RGS11: variants seen among roughly 807,000 people sequenced by gnomAD.
The protein encoded by RGS11 is regulator of G protein signaling 11, also known as regulator of G-protein signaling 11.
RGS11 carries 86 observed loss-of-function variants against 71.1 expected under a neutral mutation model. The observed-to-expected ratio is 1.21, with a 90% CI of 1.02 to 1.45. The LOEUF is 1.45. Among genes scored for constraint, RGS11 ranks in the 40% most tolerant of loss-of-function variants. The pLI is 0.00. For missense variants in RGS11, 734 were observed against 635.1 expected (o/e 1.16, Z -1.67); for synonymous variants, 298 against 254.2 (o/e 1.17, Z -1.64).
chr16:274,770 C>A (rs952903956), intron 4 of RGS11: 1 of 743,876 alleles, frequency 1.3e-6, no homozygotes, highest in South Asian at 1.5e-5. Flanking sequence ...GAGGCTCCAT[C>A]CCTCAGCCGG....
chr16:271,456 T>G lies in RGS11; in HGVS notation c.692A>C (p.Glu231Ala). The G allele has an allele frequency of 6.2e-7, 1 of 1,613,684 alleles. No homozygotes were observed. Among genetic ancestry groups the G allele is most frequent in the Non-Finnish European group, 8.5e-7 (1 of 1,179,976 alleles). The change falls in exon 11 of 17, where the codon GAG becomes GCG. Residue 231 changes from glutamate to alanine, a missense_variant. Coordinates refer to ENST00000397770, the MANE Select transcript of RGS11 (RefSeq NM_183337.3). ...KSADFHKREI[E>A]YFRKALGRTR... ...CCTGCCCAGCGCTTTCCTGAAGTAC[T>G]CGATCTAGGATGTGGGGCCTGTGAG...
intron 9 of RGS11, chr16:272,289 G>C (rs947034402): frequency 7.1e-6 from 9 of 1,268,690 alleles, no homozygotes; most frequent in African/African-American, 1.5e-5. Context: ...CGCGCTGCGA[G>C]TCCTGGCCTG....
chr16:275,082 T>G lies in RGS11; in HGVS notation c.212A>C (p.Glu71Ala). The G allele has an allele frequency of 6.8e-7, 1 of 1,477,808 alleles. No individual in the cohort carries two copies. The highest frequency in any genetic ancestry group is 1.4e-5 in the South Asian group (1 of 72,156). 91.5% of individuals were successfully genotyped at this position (1,477,808 alleles called of 1,614,324 possible). A position where few individuals can be genotyped will look rare whatever the true frequency, so the allele number is the denominator to read the frequency against. Residue 71 changes from glutamate (E) to alanine (A), a missense_variant and splice_region_variant, in exon 4 of 17, where the codon GAG (glutamate) becomes GCG (alanine). Coordinates refer to ENST00000397770, the MANE Select transcript of RGS11 (RefSeq NM_183337.3). ...CAGGACGGCGCCCAGGTGCAGGGCC[T>G]CTGGGGAGGGGTGGGACGGTGAGCG... ...LAQKFCVSEEEALHLGAVLVQ... is the reference protein window; with the variant it reads ...LAQKFCVSEEAALHLGAVLVQ...
At position 274,044 on chromosome 16, in the gene RGS11, T is replaced by C; in HGVS notation, c.428A>G (p.Lys143Arg). 2 of 1,550,382 alleles carry C rather than the reference T, an allele frequency of 1.3e-6. No individual in the cohort carries two copies. The highest frequency in any genetic ancestry group is 1.2e-5 in the South Asian group (1 of 84,252). ...GGCGGGAAGGGTGGGGGGTCCCACC[T>C]TCTCATAATCCACCAGGGTCCCCCG... ...RKRGTLVDYEKDCYDRLHKKI... is the reference protein window; with the variant it reads ...RKRGTLVDYERDCYDRLHKKI... The change falls in exon 6 of 17, where the codon AAG becomes AGG. Residue 143 changes from lysine to arginine, a missense_variant and splice_region_variant. Coordinates refer to ENST00000397770, the MANE Select transcript of RGS11 (RefSeq NM_183337.3).
Position 268,704 on chromosome 16 carries a change from A to G in RGS11, c.*565T>C, listed in dbSNP as rs2051782714. The G allele has an allele frequency of 6.8e-7, 1 of 1,473,948 alleles. No homozygotes were observed. Among genetic ancestry groups the G allele is most frequent in the African/African-American group, 1.4e-5 (1 of 71,466 alleles). 91.3% of individuals were successfully genotyped at this position (1,473,948 alleles called of 1,614,324 possible). ...TCTGGAACGCGTTTGGCGAGGGAGG[A>G]ATAGGCGCAGCTCCGGAAGGCAGTG... On this transcript the variant is annotated 3_prime_UTR_variant, in exon 17 of 17. Coordinates refer to ENST00000397770, the MANE Select transcript of RGS11 (RefSeq NM_183337.3).
chr16:271,453 T>C lies in RGS11; in HGVS notation c.695A>G (p.Tyr232Cys). ...SADFHKREIE[Y>C]FRKALGRTRV... ...GGTCCTGCCCAGCGCTTTCCTGAAG[T>C]ACTCGATCTAGGATGTGGGGCCTGT... Residue 232 changes from tyrosine (Y) to cysteine (C), a missense_variant, in exon 11 of 17, where the codon TAC becomes TGC. Coordinates refer to ENST00000397770, the MANE Select transcript of RGS11 (RefSeq NM_183337.3). The C allele has an allele frequency of 6.2e-7, 1 of 1,613,896 alleles. No homozygotes were observed.
intron 4 of RGS11, 66 bp from the exon 5 acceptor site, chr16:274,331 C>T (rs1596913612): frequency 2.0e-6 from 3 of 1,522,494 alleles, no homozygotes; most frequent in Non-Finnish European, 2.7e-6. Flanking sequence ...GTCACCCCAC[C>T]CTCAGACCTC....
intron 9 of RGS11, chr16:272,110 A>G: frequency 9.0e-7 from 1 of 1,114,436 alleles, no homozygotes; most frequent in Non-Finnish European, 1.1e-6. Context: ...TGCTGGGATT[A>G]GAGACGTGAG....
In RGS11 at chr16:275,078, G is replaced by A. The variant is rs1261619324; in HGVS notation, c.216C>T (p.Ala72=). The A allele has an allele frequency of 6.1e-6, 9 of 1,477,598 alleles. No individual in the cohort carries two copies. The highest frequency in any genetic ancestry group is 8.1e-6 in the Non-Finnish European group (9 of 1,114,122). 91.5% of individuals were successfully genotyped at this position (1,477,598 alleles called of 1,614,324 possible). A position where few individuals can be genotyped will look rare whatever the true frequency, so the allele number is the denominator to read the frequency against. The change falls in exon 4 of 17, where the codon GCC becomes GCT. Residue 72 remains alanine (A), a synonymous_variant. Coordinates refer to ENST00000397770, the MANE Select transcript of RGS11 (RefSeq NM_183337.3). ...AQKFCVSEEE[A]LHLGAVLVQH... ...GCACCAGGACGGCGCCCAGGTGCAG[G>A]GCCTCTGGGGAGGGGTGGGACGGTG...
At chr16:275,113 C>T in intron 3 of RGS11, 31 bp from the exon 4 acceptor site, 5 of 1,481,922 alleles carry the variant, frequency 3.4e-6, no homozygotes, top group Non-Finnish European at 4.5e-6. Context: ...GAGCGCGGGG[C>T]CGCGGAAGCG....
At chr16:275,778 T>G in intron 1 of RGS11, 71 bp downstream of exon 1, 1 of 443,932 alleles carries the variant, frequency 2.3e-6, no homozygotes, top group Non-Finnish European at 3.3e-6. Flanking sequence ...CGTGTCCCCA[T>G]GCTCTCCGGC....
Position 275,326 on chromosome 16 carries a change from G to T in RGS11, c.168C>A (p.Asp56Glu), listed in dbSNP as rs1222071721. 1 of 1,612,396 alleles carries T rather than the reference G, an allele frequency of 6.2e-7. No homozygotes were observed. Among genetic ancestry groups the T allele is most frequent in the East Asian group, 2.2e-5 (1 of 44,852 alleles). Residue 56 changes from aspartate (D) to glutamate (E), a missense_variant, in exon 3 of 17, where the codon GAC becomes GAA. By Grantham distance (45) the Asp-to-Glu change is conservative. Coordinates refer to ENST00000397770, the MANE Select transcript of RGS11 (RefSeq NM_183337.3). ...ACTTCTGGGCCAACCACTGCACGAC[G>T]TCGCTGCCTGCACGGGAGAGACAGA... ...TVIPHAVTGS[D>E]VVQWLAQKFC...
intron 8 of RGS11, 137 bp from the exon 9 acceptor site, chr16:273,068 A>C: frequency 2.5e-6 from 2 of 814,160 alleles, no homozygotes; most frequent in Non-Finnish European, 1.9e-6. Flanking sequence ...CCTAGCCGTC[A>C]GCTGTCTCTT....
chr16:273,624 C>A, intron 7 of RGS11, 68 bp from the exon 8 acceptor site: 1 of 1,504,886 alleles, frequency 6.6e-7, no homozygotes, highest in South Asian at 1.2e-5. Flanking sequence ...CACCCTCAGG[C>A]CTGGACCTGG....
Position 271,522 on chromosome 16 carries a change from C to T in RGS11, c.687+18G>A, listed in dbSNP as rs2051940398. 6 of 1,614,046 alleles carry T rather than the reference C, an allele frequency of 3.7e-6. No individual in the cohort carries two copies. In the African/African-American group the frequency reaches 5.3e-5, roughly 14 times the overall value. On this transcript the variant is annotated intron_variant, in intron 10 of 16. Coordinates refer to ENST00000397770, the MANE Select transcript of RGS11 (RefSeq NM_183337.3). The stretch of plus-strand genomic sequence containing the variant: ...GGGAAGGCACCTGGCACCCTCCACT[C>T]CCAGCTCCAGAACTTACCTCCCGCT...
intron 9 of RGS11, 127 bp downstream of exon 9, chr16:272,736 G>C: frequency 6.6e-7 from 1 of 1,503,878 alleles, no homozygotes; most frequent in South Asian, 1.3e-5. Context: ...AGGGGCTTGG[G>C]GAGGCTGCAC....
intron 9 of RGS11, chr16:272,492 C>A (rs1484753385): frequency 1.5e-6 from 2 of 1,350,568 alleles, no homozygotes; most frequent in Non-Finnish European, 1.9e-6. Context: ...TGGAGGCCTC[C>A]ACCTGGAGGG....
intron 8 of RGS11, among the ~76,000 whole-genome samples, chr16:273,137 C>T (rs1468586008): frequency 1.3e-5 from 2 of 152,164 alleles, no homozygotes; most frequent in Non-Finnish European, 1.5e-5. Flanking sequence ...CCCAGCTGCT[C>T]CCGGCCTGTG....
Position 275,324 on chromosome 16 carries a change from A to T in RGS11, c.170T>A (p.Val57Asp). Reference sequence around the variant, plus strand: ...GAACTTCTGGGCCAACCACTGCACGACGTCGCTGCCTGCACGGGAGAGACA... The same window carrying T: ...GAACTTCTGGGCCAACCACTGCACGTCGTCGCTGCCTGCACGGGAGAGACA... Reference protein sequence around the residue: ...VIPHAVTGSDVVQWLAQKFCV... With the variant: ...VIPHAVTGSDDVQWLAQKFCV... Residue 57 changes from valine (V) to aspartate (D), a missense_variant, in exon 3 of 17, where the codon GTC becomes GAC. By Grantham distance (152) the Val-to-Asp change is radical. Transcript: ENST00000397770. The T allele has an allele frequency of 6.2e-7, 1 of 1,612,368 alleles. No homozygotes were observed. The highest frequency in any genetic ancestry group is 1.1e-5 in the South Asian group (1 of 91,080).
Sources: allele counts gnomAD v4.1 joint callset (sites outside exome capture counted in the v4.1 genomes callset), GRCh38; gene constraint gnomAD v4.1.1; transcripts MANE v1.5; gene names NCBI Gene and HGNC (gene_info 2026-07-23, HGNC 2026-07-21).